DLG2: variants seen among roughly 807,000 people sequenced by gnomAD.
DLG2 encodes the protein discs large MAGUK scaffold protein 2, also known as disks large homolog 2.
A neutral mutation model predicts 132.5 loss-of-function variants in DLG2; 45 were observed. The observed-to-expected ratio is 0.34, with a 90% CI of 0.27 to 0.44. The LOEUF (loss-of-function observed/expected upper bound fraction) is 0.44. Ranked by LOEUF, DLG2 falls within the 20% of genes least tolerant of loss-of-function variation. The pLI, the probability that DLG2 is intolerant of heterozygous loss-of-function variation, is 1.00. For missense variants in DLG2, 1,045 were observed against 1,196.9 expected, an observed-to-expected ratio of 0.87 and a Z score of 1.87; for synonymous variants, 424 against 419.6, an observed-to-expected ratio of 1.01 and a Z score of -0.13.
chr11:84,243,945 T>C (rs1270667616), intron 8 of DLG2, among the ~76,000 whole-genome samples: 2 of 152,258 alleles, frequency 1.3e-5, no homozygotes, highest in East Asian at 1.9e-4. Flanking sequence ...TCCTATTTTA[T>C]ATATAATGAA....
In DLG2 at chr11:84,230,573, A is replaced by G. The variant is rs186549678; in HGVS notation, c.573+20665T>C. On this transcript the variant is annotated intron_variant, in intron 8 of 27. Transcript: ENST00000376104. ...CTAAGTGCTGGGAATTTTTAAATAC[A>G]TAAGACACAGTATGTTCAAGGAGCT... Among the ~76,000 whole-genome samples, 457 of 152,334 alleles carry G rather than the reference A, an allele frequency of 3.0e-3. 5 individuals carry two copies. The highest frequency in any genetic ancestry group is 0.011 in the African/African-American group (442 of 41,584).
intron 10 of DLG2, among the ~76,000 whole-genome samples, chr11:84,069,615 A>G (rs2096727329): frequency 6.6e-6 from 1 of 152,204 alleles, no homozygotes; most frequent in African/African-American, 2.4e-5. Context: ...CATAGAAGCC[A>G]TCTCCTACAG....
chr11:83,461,188 T>C (rs2089919310), intron 27 of DLG2, among the ~76,000 whole-genome samples: 1 of 152,012 alleles, frequency 6.6e-6, no homozygotes. Flanking sequence ...TTTTGTATTT[T>C]TAGTAGAGAC....
chr11:83,797,643 C>T (rs530027708), intron 17 of DLG2, among the ~76,000 whole-genome samples: 9 of 152,140 alleles, frequency 5.9e-5, no homozygotes, highest in Admixed American at 3.3e-4. Context: ...CTCAGCCTCC[C>T]GAGTAGCTGG....
chr11:85,235,587 C>T (rs939811216), intron 4 of DLG2, among the ~76,000 whole-genome samples: 6 of 151,732 alleles, frequency 4.0e-5, no homozygotes, highest in African/African-American at 1.5e-4. Flanking sequence ...AAGACGGGAA[C>T]AGAAAGAATT....
chr11:84,888,808 C>T (rs555408795), intron 6 of DLG2, among the ~76,000 whole-genome samples: 2 of 152,230 alleles, frequency 1.3e-5, no homozygotes, highest in South Asian at 4.1e-4. Flanking sequence ...CTGCTATCAT[C>T]TAAATCATTC....
intron 3 of DLG2, among the ~76,000 whole-genome samples, chr11:85,402,011 CAA>C (rs1362554964): frequency 6.6e-6 from 1 of 151,918 alleles, no homozygotes; most frequent in Non-Finnish European, 1.5e-5. Flanking sequence ...CATATGGAAC[CAA>C]AAAAGAGCCC....
At chr11:84,841,130 T>C (rs746561857) in intron 6 of DLG2, among the ~76,000 whole-genome samples, 25 of 151,842 alleles carry the variant, frequency 1.6e-4, no homozygotes, top group Admixed American at 1.3e-4. Context: ...ATGACACCAT[T>C]TATGTAAAGC....
intron 2 of DLG2, among the ~76,000 whole-genome samples, chr11:85,604,670 G>A (rs534281187): frequency 7.9e-5 from 12 of 152,070 alleles, no homozygotes; most frequent in Non-Finnish European, 1.3e-4. Context: ...CTTGAGGGCA[G>A]GCACAGGAGG....
Position 84,297,594 on chromosome 11 carries a change from T to C in DLG2, c.520-46303A>G, listed in dbSNP as rs148569705. On this transcript the variant is annotated intron_variant, in intron 7 of 27. Transcript: ENST00000376104. The stretch of plus-strand genomic sequence containing the variant: ...GGTTACAAGTACTGCAAAATATCAT[T>C]CTAACTAGTCTCCCTCCTTCCATTC... 1.3e-3 allele frequency among the ~76,000 whole-genome samples: 202 copies of C among 152,266 alleles called. 4 individuals are homozygous for C. Among genetic ancestry groups the C allele is most frequent in the Middle Eastern group, 0.01 (3 of 294 alleles).
intron 5 of DLG2, among the ~76,000 whole-genome samples, chr11:85,134,034 G>T (rs370766224): frequency 1.4e-5 from 2 of 140,436 alleles, no homozygotes; most frequent in Non-Finnish European, 3.1e-5. Flanking sequence ...ATGAGGGAGA[G>T]TGAGGGAGAG....
chr11:83,709,002 T>C (rs2084718889), intron 18 of DLG2, among the ~76,000 whole-genome samples: 1 of 152,134 alleles, frequency 6.6e-6, no homozygotes, highest in Non-Finnish European at 1.5e-5. Flanking sequence ...CTGACTTTAC[T>C]TGATGATTTA....
intron 10 of DLG2, 21 bp from the exon 11 acceptor site, chr11:84,059,505 C>G (rs749936351): frequency 6.5e-7 from 1 of 1,536,756 alleles, no homozygotes; most frequent in South Asian, 1.3e-5. Context: ...GGAAAAGAGT[C>G]AAGATTCAGA....
intron 14 of DLG2, among the ~76,000 whole-genome samples, chr11:83,962,375 G>C (rs566250549): frequency 3.3e-5 from 5 of 152,206 alleles, no homozygotes; most frequent in Non-Finnish European, 7.4e-5. Context: ...CCTGGGACAG[G>C]TCACTCTGGA....
At chr11:84,757,627 G>A (rs990071475) in intron 6 of DLG2, among the ~76,000 whole-genome samples, 5 of 152,118 alleles carry the variant, frequency 3.3e-5, no homozygotes, top group African/African-American at 1.2e-4. Context: ...GGATGATGAT[G>A]GTGATGATGA....
intron 4 of DLG2, among the ~76,000 whole-genome samples, chr11:85,225,180 G>GA (rs1203718648): frequency 8.6e-5 from 13 of 150,762 alleles, no homozygotes; most frequent in South Asian, 6.3e-4. Flanking sequence ...GATGGAGTAA[G>GA]AAAAAAAAAG....
chr11:83,692,074 C>T lies in DLG2; in HGVS notation c.1826-58749G>A, dbSNP rs117519121. ...AAGCAGTGTATATTTTTCATGTATC[C>T]GGTAAGTGGTAGATCTGAGTTTCAA... On this transcript the variant is annotated intron_variant, in intron 18 of 27. Coordinates refer to ENST00000376104, the MANE Select transcript of DLG2 (RefSeq NM_001142699.3). The T allele has an allele frequency of 1.3e-3, 203 of 152,234 alleles. 1 individual carries two copies. The highest frequency in any genetic ancestry group is 8.7e-3 in the South Asian group (42 of 4,820). The allele number at this position is 152,234 out of a possible 1,614,324, so 9.4% of individuals were successfully genotyped here. A position where few individuals can be genotyped will look rare whatever the true frequency, so the allele number is the denominator to read the frequency against.
At chr11:85,468,395 T>A (rs1026921002) in intron 3 of DLG2, among the ~76,000 whole-genome samples, 15 of 152,210 alleles carry the variant, frequency 9.9e-5, no homozygotes, top group African/African-American at 4.8e-5. Context: ...TTCTTTTAAT[T>A]GTGATGTTCG....
At chr11:83,776,750 C>T (rs1349135559) in intron 18 of DLG2, among the ~76,000 whole-genome samples, 1 of 152,184 alleles carries the variant, frequency 6.6e-6, no homozygotes, top group Non-Finnish European at 1.5e-5. Flanking sequence ...ATATCTTTCC[C>T]TCCTGAAATA....
Sources: gnomAD v4.1 joint callset for allele counts (sites outside exome capture counted in the v4.1 genomes callset) on GRCh38, gnomAD v4.1.1 for gene constraint, MANE v1.5 for transcripts, NCBI Gene and HGNC (gene_info 2026-07-23, HGNC 2026-07-21) for gene names.